The following XPR1 variants were observed in gnomAD, a reference collection of about 807,000 sequenced individuals.
XPR1 encodes xenotropic and polytropic retrovirus receptor 1.
Under a neutral mutation model 87.5 loss-of-function variants are expected in XPR1, and 28 were observed. The observed-to-expected ratio is 0.32, with a 90% CI of 0.24 to 0.44. The LOEUF is 0.44. XPR1 is among the 20% of genes least tolerant of loss of function. The pLI, the probability that XPR1 is intolerant of heterozygous loss-of-function variation, is 1.00. For missense variants in XPR1, 559 were observed against 862.3 expected (o/e 0.65, Z 4.41); for synonymous variants, 300 against 306.1 (o/e 0.98, Z 0.21).
At chr1:180,708,622 C>T (rs1199308011) in intron 2 of XPR1, among the ~76,000 whole-genome samples, 1 of 151,628 alleles carries the variant, frequency 6.6e-6, no homozygotes, top group East Asian at 1.9e-4. Flanking sequence ...ATAACTGACT[C>T]CTATTTTTAG....
chr1:180,749,689 G>A (rs1647446026), intron 2 of XPR1, among the ~76,000 whole-genome samples: 1 of 105,024 alleles, frequency 9.5e-6, no homozygotes, highest in Non-Finnish European at 2.2e-5. Context: ...GGAGCTGGTG[G>A]TTAAACATTT....
chr1:180,837,358 A>G (rs951144025), intron 11 of XPR1, among the ~76,000 whole-genome samples: 2 of 152,242 alleles, frequency 1.3e-5, no homozygotes, highest in Non-Finnish European at 2.9e-5. Context: ...TTTTAAGTCA[A>G]CATCAACCAA....
chr1:180,752,601 G>T (rs182166640), intron 2 of XPR1, among the ~76,000 whole-genome samples: 3 of 151,902 alleles, frequency 2.0e-5, no homozygotes, highest in East Asian at 1.9e-4. Context: ...TTTGTTCTTC[G>T]GTGGCCATAC....
At chr1:180,632,660 C>G (rs891685364) in intron 1 of XPR1, among the ~76,000 whole-genome samples, 2 of 152,258 alleles carry the variant, frequency 1.3e-5, no homozygotes, top group East Asian at 3.8e-4. Flanking sequence ...CTCGTCCCCA[C>G]CCTGGGCGAG....
At position 180,785,300 on chromosome 1, in the gene XPR1, G is replaced by A. The variant is rs189685698; in HGVS notation, c.122-2453G>A. On this transcript the variant is annotated intron_variant, in intron 2 of 14. Coordinates refer to ENST00000367590, the MANE Select transcript of XPR1 (RefSeq NM_004736.4). ...CCCGAGTAGCTAGGATTACAGGCACGAGCCACCATGCCCAACTAATTTTTG... is the reference window on the plus strand; with the variant it reads ...CCCGAGTAGCTAGGATTACAGGCACAAGCCACCATGCCCAACTAATTTTTG... Among the ~76,000 whole-genome samples the A allele has an allele frequency of 7.7e-3, 1,169 of 151,746 alleles. 18 individuals carry two copies. Among genetic ancestry groups the A allele is most frequent in the Non-Finnish European group, 0.011 (771 of 67,850 alleles).
At chr1:180,721,213 C>T (rs1557973706) in intron 2 of XPR1, among the ~76,000 whole-genome samples, 1 of 149,282 alleles carries the variant, frequency 6.7e-6, no homozygotes, top group Non-Finnish European at 1.5e-5. Flanking sequence ...AAGAACAAAA[C>T]TCTGTCTCAA....
chr1:180,703,107 G>A (rs1252247018), intron 2 of XPR1, among the ~76,000 whole-genome samples: 3 of 152,108 alleles, frequency 2.0e-5, no homozygotes, highest in Non-Finnish European at 4.4e-5. Context: ...TTTTAGTGAA[G>A]GCTGTTTGAG....
intron 7 of XPR1, among the ~76,000 whole-genome samples, chr1:180,816,730 T>C (rs1486093770): frequency 6.6e-6 from 1 of 152,194 alleles, no homozygotes; most frequent in Non-Finnish European, 1.5e-5. Context: ...AACAAACATA[T>C]TGCACTGCCA....
chr1:180,701,450 C>CTT (rs1657328345), intron 2 of XPR1, among the ~76,000 whole-genome samples: 2 of 111,522 alleles, frequency 1.8e-5, no homozygotes, highest in African/African-American at 7.8e-5. Flanking sequence ...TTGTCAAAGG[C>CTT]TTTTTCTGCA....
intron 9 of XPR1, among the ~76,000 whole-genome samples, chr1:180,825,649 T>C (rs934872922): frequency 2.0e-5 from 3 of 152,258 alleles, no homozygotes; most frequent in Non-Finnish European, 2.9e-5. Flanking sequence ...AAAAGAATTA[T>C]TTTCCTGTTA....
At chr1:180,669,869 G>T (rs901702419) in intron 1 of XPR1, among the ~76,000 whole-genome samples, 3 of 151,964 alleles carry the variant, frequency 2.0e-5, no homozygotes, top group African/African-American at 7.3e-5. Flanking sequence ...ACAATATACC[G>T]TGATAAAAGT....
At chr1:180,836,749 TA>T in intron 11 of XPR1, 33 bp downstream of exon 11, 1 of 1,606,324 alleles carries the variant, frequency 6.2e-7, no homozygotes. Flanking sequence ...GAGATTTTTT[TA>T]AACCTGGATT....
chr1:180,783,892 TA>T (rs2102083983), intron 2 of XPR1, among the ~76,000 whole-genome samples: 1 of 151,896 alleles, frequency 6.6e-6, no homozygotes, highest in East Asian at 1.9e-4. Flanking sequence ...CCATCTCTAC[TA>T]AAACTGCAAA....
intron 2 of XPR1, among the ~76,000 whole-genome samples, chr1:180,749,807 A>G (rs1361721675): frequency 1.3e-5 from 2 of 152,146 alleles, no homozygotes; most frequent in Admixed American, 6.5e-5. Context: ...TGCCATGCTT[A>G]ACGTAATCAG....
At chr1:180,849,284 A>G (rs1282162049) in intron 11 of XPR1, among the ~76,000 whole-genome samples, 1 of 152,220 alleles carries the variant, frequency 6.6e-6, no homozygotes, top group African/African-American at 2.4e-5. Flanking sequence ...TGCTTGCGCA[A>G]GGTCACATGA....
At chr1:180,865,057 A>G (rs989161876) in intron 12 of XPR1, among the ~76,000 whole-genome samples, 2 of 152,198 alleles carry the variant, frequency 1.3e-5, no homozygotes, top group Admixed American at 1.3e-4. Context: ...ATGGATGTGT[A>G]ATATTCAATT....
intron 14 of XPR1, among the ~76,000 whole-genome samples, chr1:180,881,583 A>G (rs1273673261): frequency 2.0e-5 from 3 of 152,226 alleles, no homozygotes; most frequent in Admixed American, 6.5e-5. Context: ...AGAAAGCCAG[A>G]TGAAAAGCTA....
intron 6 of XPR1, among the ~76,000 whole-genome samples, chr1:180,807,776 A>C (rs551928234): frequency 1.3e-5 from 2 of 152,176 alleles, no homozygotes; most frequent in Non-Finnish European, 2.9e-5. Flanking sequence ...AGGCTGAGGC[A>C]GGTGGATCAC....
chr1:180,824,272 T>G (rs1394816381), intron 7 of XPR1, among the ~76,000 whole-genome samples: 1 of 152,192 alleles, frequency 6.6e-6, no homozygotes, highest in Non-Finnish European at 1.5e-5. Flanking sequence ...ACAGGCGACT[T>G]TTTAAGGCTC....
Sources: allele counts gnomAD v4.1 joint callset (sites outside exome capture counted in the v4.1 genomes callset), GRCh38; gene constraint gnomAD v4.1.1; transcripts MANE v1.5; gene names NCBI Gene and HGNC (gene_info 2026-07-23, HGNC 2026-07-21).